METTL8: variants seen among roughly 807,000 people sequenced by gnomAD.
The protein encoded by METTL8 is methyltransferase 8, tRNA N3-cytidine, also known as tRNA N(3)-cytidine methyltransferase METTL8, mitochondrial.
Under a neutral mutation model 48.7 loss-of-function variants are expected in METTL8, and 32 were observed. The ratio of observed to expected loss-of-function variants is 0.66; its 90% CI spans 0.50 to 0.88. METTL8 has a LOEUF of 0.88. Ranked by LOEUF, METTL8 falls within the 40% of genes least tolerant of loss-of-function variation. The pLI is 0.00. For synonymous variants in METTL8, 136 were observed against 157.1 expected (o/e 0.87, Z 1.01); for missense variants, 464 against 474.4 (o/e 0.98, Z 0.20).
At chr2:171,419,313 CTATATA>C (rs1438719640) in intron 1 of METTL8, among the ~76,000 whole-genome samples, 1 of 152,132 alleles carries the variant, frequency 6.6e-6, no homozygotes, top group African/African-American at 2.4e-5. Context: ...ATACATATAT[CTATATA>C]TAATGTGTTT....
chr2:171,377,726 A>G (rs1190270514), intron 2 of METTL8, among the ~76,000 whole-genome samples: 4 of 151,832 alleles, frequency 2.6e-5, no homozygotes, highest in Non-Finnish European at 5.9e-5. Context: ...AAAAAAAGAA[A>G]AATAGATGTT....
chr2:171,375,162 G>A lies in METTL8; in HGVS notation c.144-14649C>T, dbSNP rs558985182. On this transcript the variant is annotated intron_variant, in intron 2 of 9. Coordinates refer to ENST00000375258, the MANE Select transcript of METTL8 (RefSeq NM_001321154.2). ...CGGCCTCCACTACGTTTCGAATGAC[G>A]AATTTCTTAATGGCCTTGTCCTTGG... The A allele has an allele frequency of 6.0e-4, 879 of 1,472,966 alleles. 5 individuals are homozygous for A. Among genetic ancestry groups the A allele is most frequent in the Middle Eastern group, 5.3e-4 (3 of 5,640 alleles). The allele number at this position is 1,472,966 out of a possible 1,614,324, so 91.2% of individuals were successfully genotyped here.
intron 1 of METTL8, among the ~76,000 whole-genome samples, chr2:171,404,409 T>C (rs979481616): frequency 6.6e-6 from 1 of 151,994 alleles, no homozygotes; most frequent in African/African-American, 2.4e-5. Flanking sequence ...TGGCTGGCTG[T>C]CAGGAGCAGA....
At chr2:171,383,664 T>C (rs983950916) in intron 2 of METTL8, among the ~76,000 whole-genome samples, 2 of 152,228 alleles carry the variant, frequency 1.3e-5, no homozygotes, top group Admixed American at 6.5e-5. Context: ...AAAGTTTCTA[T>C]ATGCTTAAAC....
chr2:171,329,739 G>A (rs926534521), intron 7 of METTL8, among the ~76,000 whole-genome samples: 2 of 152,182 alleles, frequency 1.3e-5, no homozygotes, highest in African/African-American at 4.8e-5. Flanking sequence ...ATAAGCACAT[G>A]GTAACTCAGT....
intron 1 of METTL8, among the ~76,000 whole-genome samples, chr2:171,418,887 G>A (rs1016911336): frequency 2.0e-5 from 3 of 151,964 alleles, no homozygotes; most frequent in Non-Finnish European, 4.4e-5. Flanking sequence ...CCCAGGAGGC[G>A]GAGGCTGCAG....
At chr2:171,368,808 AG>A (rs1219466123) in intron 2 of METTL8, among the ~76,000 whole-genome samples, 6 of 152,128 alleles carry the variant, frequency 3.9e-5, no homozygotes, top group Non-Finnish European at 7.4e-5. Context: ...AGGCTGAGGC[AG>A]GAGAAAGGCT....
chr2:171,359,152 C>G (rs1046226374), intron 3 of METTL8, among the ~76,000 whole-genome samples: 2 of 140,062 alleles, frequency 1.4e-5, no homozygotes, highest in Non-Finnish European at 3.1e-5. Context: ...ATACTCCAGA[C>G]TGGGCAACAA....
intron 1 of METTL8, among the ~76,000 whole-genome samples, chr2:171,422,568 G>A (rs1415504367): frequency 6.6e-6 from 1 of 152,120 alleles, no homozygotes; most frequent in East Asian, 1.9e-4. Context: ...CACATATTAT[G>A]ATGAAGAATT....
At position 171,322,740 on chromosome 2, in the gene METTL8, T is replaced by G. The variant is rs573423410; in HGVS notation, c.*1432A>C. On this transcript the variant is annotated 3_prime_UTR_variant, in exon 10 of 10. Coordinates refer to ENST00000375258, the MANE Select transcript of METTL8 (RefSeq NM_001321154.2). ...GCCTGGGTGCCAGAGCAAGACTCCA[T>G]CTCAAAAAAAAAAAAAAAAAAAAAG... is the stretch of plus-strand genomic sequence containing the variant. 1 of 17,978 alleles carries G rather than the reference T, an allele frequency of 5.6e-5. No individual in the cohort carries two copies. Among genetic ancestry groups the G allele is most frequent in the Non-Finnish European group, 1.1e-4 (1 of 8,910 alleles). The allele number at this position is 17,978 out of a possible 1,614,324, so 1.1% of individuals were successfully genotyped here.
intron 2 of METTL8, among the ~76,000 whole-genome samples, chr2:171,374,044 G>A (rs1326431423): frequency 6.6e-6 from 1 of 152,134 alleles, no homozygotes; most frequent in African/African-American, 2.4e-5. Flanking sequence ...GATGGGGATG[G>A]CATTGAATCT....
At chr2:171,349,918 C>T (rs1440709194) in intron 3 of METTL8, among the ~76,000 whole-genome samples, 3 of 152,080 alleles carry the variant, frequency 2.0e-5, no homozygotes, top group African/African-American at 4.8e-5. Context: ...TTAATACCTT[C>T]TAATCAGTGT....
chr2:171,345,441 T>G (rs368076861), intron 3 of METTL8, among the ~76,000 whole-genome samples: 5 of 152,194 alleles, frequency 3.3e-5, no homozygotes, highest in African/African-American at 1.2e-4. Flanking sequence ...AGTTGGAAAT[T>G]TCCACACATC....
intron 2 of METTL8, among the ~76,000 whole-genome samples, chr2:171,372,456 T>G (rs1686458111): frequency 6.6e-6 from 1 of 152,230 alleles, no homozygotes; most frequent in South Asian, 2.1e-4. Context: ...TATATACATG[T>G]AACACAGGTA....
intron 1 of METTL8, among the ~76,000 whole-genome samples, chr2:171,411,811 G>C (rs1416236381): frequency 6.6e-6 from 1 of 152,048 alleles, no homozygotes; most frequent in Non-Finnish European, 1.5e-5. Context: ...AGGAGAACAA[G>C]ACAAATAGAT....
chr2:171,427,833 T>A (rs1037823300), intron 1 of METTL8, among the ~76,000 whole-genome samples: 1 of 152,212 alleles, frequency 6.6e-6, no homozygotes, highest in African/African-American at 2.4e-5. Context: ...TCTATCCTGT[T>A]TACTGCTATA....
rs144286919 is a variant in METTL8, at chr2:171,347,739, T to C, written c.236-8185A>G. Among the ~76,000 whole-genome samples the C allele has an allele frequency of 1.9e-3, 292 of 152,330 alleles. 7 individuals carry two copies. The East Asian group carries it at 0.029, about 15-fold the overall frequency. The stretch of plus-strand genomic sequence containing the variant: ...TGGCAAAGAAGCACAGTTATACTTC[T>C]TCAGAAACAGTGTGACAGAGTTCCT... On this transcript the variant is annotated intron_variant, in intron 3 of 9. Coordinates refer to ENST00000375258, the MANE Select transcript of METTL8 (RefSeq NM_001321154.2).
intron 1 of METTL8, among the ~76,000 whole-genome samples, chr2:171,429,437 C>A (rs1025791469): frequency 2.6e-5 from 4 of 152,122 alleles, no homozygotes; most frequent in Admixed American, 2.6e-4. Flanking sequence ...TATGGACAGA[C>A]CTTTCTGTAA....
intron 5 of METTL8, chr2:171,332,871 G>T (rs994961643): frequency 3.3e-5 from 5 of 152,134 alleles, no homozygotes; most frequent in African/African-American, 1.2e-4. Flanking sequence ...TTTAGAAGTG[G>T]GAGTCACATG....
Sources: gnomAD v4.1 joint callset for allele counts (sites outside exome capture counted in the v4.1 genomes callset) on GRCh38, gnomAD v4.1.1 for gene constraint, MANE v1.5 for transcripts, NCBI Gene and HGNC (gene_info 2026-07-23, HGNC 2026-07-21) for gene names.